Variants in MACROD2 observed in about 807,000 individuals in gnomAD.
MACROD2 encodes ADP-ribose glycohydrolase MACROD2.
MACROD2 carries 36 observed loss-of-function variants against 70.4 expected under a neutral mutation model. The observed-to-expected ratio is 0.51, with a 90% confidence interval of 0.39 to 0.68. MACROD2 has a LOEUF of 0.68. Among genes scored for constraint, MACROD2 ranks in the 30% least tolerant of loss-of-function variants. The pLI is 0.00. For missense variants in MACROD2, 496 were observed against 538.4 expected (o/e 0.92, Z 0.78); for synonymous variants, 172 against 178.8 (o/e 0.96, Z 0.30).
chr20:16,040,813 ATT>A (rs1204976316), intron 15 of MACROD2, among the ~76,000 whole-genome samples: 1 of 151,928 alleles, frequency 6.6e-6, no homozygotes, highest in Admixed American at 6.6e-5. Flanking sequence ...GGCAAAATTC[ATT>A]TTCTCTTTTT....
chr20:15,278,542 G>A (rs77053101), intron 6 of MACROD2, among the ~76,000 whole-genome samples: 5,130 of 152,230 alleles, frequency 0.034, 111 homozygotes, highest in South Asian at 0.078. Flanking sequence ...TGTCTTCCAA[G>A]AGCTACTGAA....
chr20:15,168,792 G>A (rs2076403870), intron 5 of MACROD2, among the ~76,000 whole-genome samples: 1 of 152,016 alleles, frequency 6.6e-6, no homozygotes, highest in South Asian at 2.1e-4. Context: ...GACCAGCCTA[G>A]GCAACATAGC....
chr20:15,397,219 T>C (rs1460167851), intron 6 of MACROD2, among the ~76,000 whole-genome samples: 1 of 152,208 alleles, frequency 6.6e-6, no homozygotes, highest in Non-Finnish European at 1.5e-5. Context: ...CATACCACCA[T>C]ATGGCATGTC....
chr20:15,171,417 C>T (rs2076421449), intron 5 of MACROD2, among the ~76,000 whole-genome samples: 1 of 151,150 alleles, frequency 6.6e-6, no homozygotes, highest in Admixed American at 6.6e-5. Context: ...TTCTCCCCTT[C>T]CATCTCTCCT....
intron 5 of MACROD2, among the ~76,000 whole-genome samples, chr20:14,995,267 A>G (rs2074939484): frequency 6.6e-6 from 1 of 152,150 alleles, no homozygotes; most frequent in Non-Finnish European, 1.5e-5. Flanking sequence ...ACTTGTAGAG[A>G]GATGGGATTA....
At chr20:14,955,520 G>A (rs1179636402) in intron 5 of MACROD2, among the ~76,000 whole-genome samples, 1 of 151,624 alleles carries the variant, frequency 6.6e-6, no homozygotes, top group African/African-American at 2.4e-5. Context: ...ATATATCCAA[G>A]GTAGAAGGCA....
At chr20:15,712,038 C>A (rs2423974) in intron 8 of MACROD2, among the ~76,000 whole-genome samples, 1 of 152,076 alleles carries the variant, frequency 6.6e-6, no homozygotes, top group African/African-American at 2.4e-5. Context: ...TGAAAAAAGA[C>A]GACAGAACAA....
At chr20:14,177,615 C>T (rs113952866) in intron 3 of MACROD2, among the ~76,000 whole-genome samples, 5 of 152,072 alleles carry the variant, frequency 3.3e-5, no homozygotes, top group African/African-American at 9.7e-5. Flanking sequence ...CACGTCAAGC[C>T]GAGATTTCTT....
intron 3 of MACROD2, among the ~76,000 whole-genome samples, chr20:14,321,375 A>G (rs1359205965): frequency 1.4e-5 from 2 of 146,868 alleles, no homozygotes; most frequent in East Asian, 2.0e-4. Flanking sequence ...AAAAAAAAAA[A>G]GCCAGTCAGT....
At chr20:15,976,483 T>C (rs1426470120) in intron 13 of MACROD2, among the ~76,000 whole-genome samples, 1 of 152,140 alleles carries the variant, frequency 6.6e-6, no homozygotes, top group Non-Finnish European at 1.5e-5. Context: ...AGTCCGAATG[T>C]GAAGAGGGAA....
chr20:14,420,355 C>G (rs1304642347), intron 3 of MACROD2, among the ~76,000 whole-genome samples: 4 of 152,094 alleles, frequency 2.6e-5, no homozygotes, highest in Non-Finnish European at 4.4e-5. Flanking sequence ...GTTCCAATAG[C>G]TCCACTTGTT....
intron 5 of MACROD2, among the ~76,000 whole-genome samples, chr20:14,911,433 G>A (rs1303161985): frequency 3.9e-5 from 6 of 151,904 alleles, no homozygotes; most frequent in Admixed American, 2.0e-4. Context: ...GCTAGAGTGC[G>A]GTGGCATGAT....
intron 5 of MACROD2, among the ~76,000 whole-genome samples, chr20:15,070,545 A>T (rs569463749): frequency 6.6e-6 from 1 of 152,202 alleles, no homozygotes; most frequent in African/African-American, 2.4e-5. Flanking sequence ...TAGGGAGCAG[A>T]TCCCTCATGA....
intron 3 of MACROD2, among the ~76,000 whole-genome samples, chr20:14,476,731 A>G (rs1254367906): frequency 6.6e-6 from 1 of 152,232 alleles, no homozygotes; most frequent in East Asian, 1.9e-4. Flanking sequence ...GGGCAGAAAC[A>G]GTGAGCAATA....
chr20:14,454,655 C>T (rs2084279948), intron 3 of MACROD2, among the ~76,000 whole-genome samples: 1 of 151,514 alleles, frequency 6.6e-6, no homozygotes, highest in Admixed American at 6.6e-5. Flanking sequence ...AATATATAAG[C>T]AACTTCTTCA....
chr20:14,670,134 T>G (rs1355751592), intron 4 of MACROD2, among the ~76,000 whole-genome samples: 1 of 152,092 alleles, frequency 6.6e-6, no homozygotes. Flanking sequence ...TGTCTTCAAT[T>G]TAATAACATC....
At chr20:15,949,468 C>T (rs1344981771) in intron 12 of MACROD2, among the ~76,000 whole-genome samples, 1 of 152,074 alleles carries the variant, frequency 6.6e-6, no homozygotes, top group Non-Finnish European at 1.5e-5. Context: ...TTGCCCAGCC[C>T]CTGACCATCA....
intron 5 of MACROD2, among the ~76,000 whole-genome samples, chr20:14,954,763 T>TATATAAATATATAAATAAA (rs1267489369): frequency 0.31 from 14,987 of 48,542 alleles, 1,391 homozygotes; most frequent in East Asian, 0.51. Context: ...TATAAATAAA[T>TATATAAATATATAAATAAA]TTTATATAAC....
chr20:15,368,541 A>G (rs1350934958), intron 6 of MACROD2, among the ~76,000 whole-genome samples: 1 of 149,554 alleles, frequency 6.7e-6, no homozygotes, highest in Admixed American at 6.7e-5. Context: ...GGCTCAGTGC[A>G]ACCTCTGCCT....
Sources: gnomAD v4.1 joint callset for allele counts (sites outside exome capture counted in the v4.1 genomes callset) on GRCh38, gnomAD v4.1.1 for gene constraint, MANE v1.5 for transcripts, NCBI Gene and HGNC (gene_info 2026-07-23, HGNC 2026-07-21) for gene names.